The following LRIF1 variants were observed in gnomAD, a reference collection of about 807,000 sequenced individuals.
LRIF1 encodes the protein ligand-dependent nuclear receptor-interacting factor 1.
Under a neutral mutation model 52.7 loss-of-function variants are expected in LRIF1, and 32 were observed. The ratio of observed to expected loss-of-function variants is 0.61; its 90% CI spans 0.46 to 0.82. The LOEUF (loss-of-function observed/expected upper bound fraction) is 0.82, where lower values mean the gene tolerates loss of function less well. Among genes scored for constraint, LRIF1 ranks in the 40% least tolerant of loss-of-function variants. The pLI is 0.00. For missense variants in LRIF1, 887 were observed against 892.0 expected (o/e 0.99, Z 0.07); for synonymous variants, 323 against 317.4 (o/e 1.02, Z -0.19).
At chr1:110,911,980 G>T in the LRIF1 span, among the ~76,000 whole-genome samples, 1 of 152,212 alleles carries the variant, frequency 6.6e-6, no homozygotes, top group Non-Finnish European at 1.5e-5. Context: ...CTCCTATTCA[G>T]CATAGTACTG....
At chr1:110,876,179 C>T in the LRIF1 span, among the ~76,000 whole-genome samples, 2 of 152,202 alleles carry the variant, frequency 1.3e-5, no homozygotes, top group African/African-American at 2.4e-5. Context: ...GCTGTCGCAA[C>T]TGTCCAATCT....
chr1:110,955,225 CCTTT>C (rs1463906219), intron 1 of LRIF1, among the ~76,000 whole-genome samples: 1 of 152,160 alleles, frequency 6.6e-6, no homozygotes, highest in African/African-American at 2.4e-5. Flanking sequence ...GATAAATCCT[CCTTT>C]CTTATTCCTT....
chr1:110,881,022 C>T, the LRIF1 span, among the ~76,000 whole-genome samples: 2 of 152,144 alleles, frequency 1.3e-5, no homozygotes, highest in Non-Finnish European at 2.9e-5. Context: ...AGCATTAAGA[C>T]AAGGATTCAA....
the LRIF1 span, among the ~76,000 whole-genome samples, chr1:110,930,590 C>T: frequency 2.0e-5 from 3 of 152,106 alleles, no homozygotes; most frequent in Non-Finnish European, 4.4e-5. Flanking sequence ...AAGGTCCCAC[C>T]TTTATGATCT....
At chr1:110,909,800 C>T in the LRIF1 span, among the ~76,000 whole-genome samples, 9 of 151,796 alleles carry the variant, frequency 5.9e-5, no homozygotes, top group African/African-American at 2.2e-4. Context: ...AGGCTGGTCT[C>T]GAACTCCTGA....
the LRIF1 span, chr1:110,892,710 C>T: frequency 1.7e-6 from 1 of 601,480 alleles, no homozygotes; most frequent in East Asian, 2.8e-5. Context: ...GACTAGGGTC[C>T]CACGGACAGG....
chr1:110,875,314 G>A, the LRIF1 span, among the ~76,000 whole-genome samples: 6 of 152,148 alleles, frequency 3.9e-5, no homozygotes, highest in African/African-American at 7.2e-5. Flanking sequence ...GGGCAAGATC[G>A]CTCACCAGGC....
At chr1:110,923,708 G>GA in the LRIF1 span, among the ~76,000 whole-genome samples, 1 of 152,082 alleles carries the variant, frequency 6.6e-6, no homozygotes, top group Non-Finnish European at 1.5e-5. Flanking sequence ...AAATTTTTCA[G>GA]AACAGATAAA....
the LRIF1 span, chr1:110,899,266 C>T: frequency 3.7e-6 from 4 of 1,075,150 alleles, no homozygotes; most frequent in Non-Finnish European, 5.7e-6. Context: ...AGCATGAAGC[C>T]CTACATGATC....
the LRIF1 span, chr1:110,894,971 T>C: frequency 1.2e-6 from 2 of 1,613,828 alleles, no homozygotes; most frequent in Non-Finnish European, 1.7e-6. Flanking sequence ...TGAATGAGTA[T>C]GTGGCTAAGG....
chr1:110,959,224 G>A (rs937058248), intron 1 of LRIF1, among the ~76,000 whole-genome samples: 2 of 152,086 alleles, frequency 1.3e-5, no homozygotes, highest in Admixed American at 6.5e-5. Context: ...AGAGAAAAGA[G>A]GAACATATTA....
At chr1:110,908,255 T>C in the LRIF1 span, among the ~76,000 whole-genome samples, 1 of 152,130 alleles carries the variant, frequency 6.6e-6, no homozygotes, top group Admixed American at 6.5e-5. Context: ...AAAAGCCCCA[T>C]TCAAAAGACA....
At chr1:110,916,429 G>A in the LRIF1 span, among the ~76,000 whole-genome samples, 1 of 152,004 alleles carries the variant, frequency 6.6e-6, no homozygotes, top group Non-Finnish European at 1.5e-5. Context: ...GAACTAATCA[G>A]TAAATGCAGA....
At chr1:110,891,333 C>T in the LRIF1 span, 2 of 1,165,418 alleles carry the variant, frequency 1.7e-6, no homozygotes, top group Non-Finnish European at 2.6e-6. Context: ...TTTGTGCACT[C>T]TGATCTCTGG....
chr1:110,961,846 C>A (rs1658963421), intron 1 of LRIF1, among the ~76,000 whole-genome samples: 1 of 151,930 alleles, frequency 6.6e-6, no homozygotes, highest in African/African-American at 2.4e-5. Context: ...CAACCATTAA[C>A]CAAAGTAAAT....
the LRIF1 span, among the ~76,000 whole-genome samples, chr1:110,921,839 A>G: frequency 0.68 from 103,433 of 152,056 alleles, 37,228 homozygotes; most frequent in East Asian, 0.89. Context: ...AAAAGCTTTT[A>G]TTTTAGTTTC....
At chr1:110,906,674 G>A in the LRIF1 span, among the ~76,000 whole-genome samples, 1 of 152,262 alleles carries the variant, frequency 6.6e-6, no homozygotes, top group South Asian at 2.1e-4. Flanking sequence ...GCTATATCCT[G>A]AAGATGTATA....
chr1:110,928,367 T>C, the LRIF1 span, among the ~76,000 whole-genome samples: 1 of 152,196 alleles, frequency 6.6e-6, no homozygotes, highest in Non-Finnish European at 1.5e-5. Flanking sequence ...TTCTAACATA[T>C]TTCTTCCTTT....
the LRIF1 span, among the ~76,000 whole-genome samples, chr1:110,888,770 A>G: frequency 1.3e-5 from 2 of 152,218 alleles, no homozygotes. Flanking sequence ...CTAAGTGTAT[A>G]TTTTACACTT....
Sources: gnomAD v4.1 joint callset for allele counts (sites outside exome capture counted in the v4.1 genomes callset) on GRCh38, gnomAD v4.1.1 for gene constraint, MANE v1.5 for transcripts, NCBI Gene and HGNC (gene_info 2026-07-23, HGNC 2026-07-21) for gene names.